Variants in LRRC1 observed in about 807,000 individuals in gnomAD.
The protein encoded by LRRC1 is leucine rich repeat containing 1.
A neutral mutation model predicts 69.9 loss-of-function variants in LRRC1; 28 were observed. That is an observed-to-expected ratio of 0.40 (90% CI 0.30 to 0.55). The LOEUF (loss-of-function observed/expected upper bound fraction) is 0.55. Ranked by LOEUF, LRRC1 falls within the 20% of genes least tolerant of loss-of-function variation. The pLI is 0.47. For missense variants in LRRC1, 498 were observed against 609.0 expected, an observed-to-expected ratio of 0.82 and a Z score of 1.92; for synonymous variants, 236 against 240.2, an observed-to-expected ratio of 0.98 and a Z score of 0.16.
chr6:53,911,539 T>C (rs1401059310), intron 10 of LRRC1, among the ~76,000 whole-genome samples: 2 of 152,186 alleles, frequency 1.3e-5, no homozygotes, highest in East Asian at 1.9e-4. Flanking sequence ...AATGATAATA[T>C]CTGCTTTGCC....
intron 1 of LRRC1, among the ~76,000 whole-genome samples, chr6:53,805,379 T>C (rs1479644417): frequency 1.3e-5 from 2 of 152,190 alleles, no homozygotes; most frequent in African/African-American, 4.8e-5. Context: ...GACTCGGTTC[T>C]CTTTCTGGAG....
At chr6:53,918,122 A>G (rs923073492) in intron 11 of LRRC1, among the ~76,000 whole-genome samples, 1 of 152,240 alleles carries the variant, frequency 6.6e-6, no homozygotes, top group Non-Finnish European at 1.5e-5. Flanking sequence ...ATTTAAAAAT[A>G]TGTATTTCTC....
intron 13 of LRRC1, among the ~76,000 whole-genome samples, chr6:53,921,384 A>G (rs935905310): frequency 1.3e-5 from 2 of 152,134 alleles, no homozygotes; most frequent in East Asian, 1.9e-4. Context: ...AATTGTTCCC[A>G]GTGAATGCTG....
At chr6:53,903,166 C>A (rs528156875) in intron 9 of LRRC1, among the ~76,000 whole-genome samples, 2 of 152,206 alleles carry the variant, frequency 1.3e-5, no homozygotes, top group East Asian at 3.9e-4. Context: ...TGGACGTTGG[C>A]CAGGAAAAGC....
Position 53,897,309 on chromosome 6 carries a change from C to T in LRRC1, c.592C>T (p.His198Tyr). 1.2e-6 allele frequency: 2 copies of T among 1,612,376 alleles called. No homozygotes were observed. The highest frequency in any genetic ancestry group is 1.7e-6 in the Non-Finnish European group (2 of 1,178,894). The change falls in exon 7 of 14, where the codon CAT becomes TAT. Residue 198 changes from histidine to tyrosine, a missense_variant. By Grantham distance (83) the His-to-Tyr change is moderately conservative. Around this residue, in one of 3 missense-constraint regions of LRRC1, gnomAD observed 266 missense variants for 383.9 expected, o/e 0.69. Transcript: ENST00000370888. ...GCCAGAATCAATTGGAGCCCTCTTA[C>T]ATCTAAAAGATCTCTGGTTGGATGG... is the stretch of plus-strand genomic sequence containing the variant. ...NLPESIGALL[H>Y]LKDLWLDGNQ... is the part of the protein sequence containing the mutation.
At chr6:53,843,111 TAAGGA>T (rs1765839654) in intron 2 of LRRC1, among the ~76,000 whole-genome samples, 1 of 152,234 alleles carries the variant, frequency 6.6e-6, no homozygotes, top group South Asian at 2.1e-4. Context: ...TCAGTTCTTG[TAAGGA>T]CCCTGGTACA....
intron 10 of LRRC1, among the ~76,000 whole-genome samples, chr6:53,912,429 A>G (rs559966184): frequency 6.6e-6 from 1 of 152,344 alleles, no homozygotes; most frequent in Non-Finnish European, 1.5e-5. Flanking sequence ...GGGTATAATG[A>G]CTAGACCATT....
At chr6:53,867,679 A>G (rs1193734563) in intron 2 of LRRC1, among the ~76,000 whole-genome samples, 2 of 151,914 alleles carry the variant, frequency 1.3e-5, no homozygotes, top group Non-Finnish European at 2.9e-5. Context: ...TTTAACCAGG[A>G]GTGGTGGCAC....
chr6:53,851,209 AAT>A (rs5876342), intron 2 of LRRC1, among the ~76,000 whole-genome samples: 7 of 134,250 alleles, frequency 5.2e-5, no homozygotes, highest in East Asian at 5.1e-4. Flanking sequence ...CACACACGTG[AAT>A]ATATATATAT....
chr6:53,914,680 T>TGC (rs1334680650), intron 11 of LRRC1, among the ~76,000 whole-genome samples: 2 of 152,220 alleles, frequency 1.3e-5, no homozygotes, highest in Non-Finnish European at 2.9e-5. Context: ...AAATGTCATA[T>TGC]GCGCCTTCTC....
At chr6:53,845,386 G>A (rs1032236363) in intron 2 of LRRC1, among the ~76,000 whole-genome samples, 1 of 152,164 alleles carries the variant, frequency 6.6e-6, no homozygotes, top group East Asian at 1.9e-4. Context: ...AGGTAACCGA[G>A]TAGGCAAATA....
chr6:53,889,534 C>G (rs1036880612), intron 4 of LRRC1, among the ~76,000 whole-genome samples: 1 of 151,736 alleles, frequency 6.6e-6, no homozygotes, highest in Non-Finnish European at 1.5e-5. Flanking sequence ...GTAAAAGAAC[C>G]AGACACAAAC....
At chr6:53,856,668 A>AGAT (rs1359842695) in intron 2 of LRRC1, among the ~76,000 whole-genome samples, 20 of 152,330 alleles carry the variant, frequency 1.3e-4, no homozygotes, top group African/African-American at 4.6e-4. Context: ...CTAGAGAGGG[A>AGAT]GATGACAGCA....
intron 2 of LRRC1, among the ~76,000 whole-genome samples, chr6:53,870,009 G>T (rs544540062): frequency 6.6e-6 from 1 of 152,354 alleles, no homozygotes; most frequent in Admixed American, 6.5e-5. Flanking sequence ...GGATGTGATG[G>T]AAAGAAGTGG....
intron 2 of LRRC1, among the ~76,000 whole-genome samples, chr6:53,843,125 C>T (rs1366647332): frequency 6.6e-6 from 1 of 152,170 alleles, no homozygotes; most frequent in Non-Finnish European, 1.5e-5. Flanking sequence ...GACCCTGGTA[C>T]AATTTCCTTA....
chr6:53,896,917 T>G, intron 6 of LRRC1, 25 bp downstream of exon 6: 1 of 1,433,544 alleles, frequency 7.0e-7, no homozygotes, highest in Non-Finnish European at 9.8e-7. Flanking sequence ...GAGATTTGAA[T>G]TTAACTTTGT....
At chr6:53,891,551 T>C (rs2127434099) in intron 4 of LRRC1, among the ~76,000 whole-genome samples, 1 of 151,714 alleles carries the variant, frequency 6.6e-6, no homozygotes, top group South Asian at 2.1e-4. Flanking sequence ...AGAGACTATA[T>C]ACATTCACAC....
chr6:53,827,076 C>T (rs1201141573), intron 1 of LRRC1, among the ~76,000 whole-genome samples: 3 of 152,136 alleles, frequency 2.0e-5, no homozygotes, highest in African/African-American at 7.2e-5. Flanking sequence ...ATCATATTCC[C>T]AAACCCTTGT....
At chr6:53,848,070 A>G (rs953365022) in intron 2 of LRRC1, among the ~76,000 whole-genome samples, 5 of 152,210 alleles carry the variant, frequency 3.3e-5, no homozygotes, top group African/African-American at 9.7e-5. Flanking sequence ...GCTGGACTTC[A>G]TACATTACAG....
Sources: gnomAD v4.1 joint callset for allele counts (sites outside exome capture counted in the v4.1 genomes callset) on GRCh38, gnomAD v4.1.1 for gene constraint, gnomAD v4.1.1 regional missense constraint, MANE v1.5 for transcripts, NCBI Gene and HGNC (gene_info 2026-07-23, HGNC 2026-07-21) for gene names.